The following PKD2L1 variants were observed in gnomAD, a reference collection of about 807,000 sequenced individuals.
The protein encoded by PKD2L1 is polycystin-2-like protein 1.
A neutral mutation model predicts 93.0 loss-of-function variants in PKD2L1; 77 were observed. The observed-to-expected ratio is 0.83, with a 90% CI of 0.69 to 1.00. The LOEUF (loss-of-function observed/expected upper bound fraction) is 1.00. Among genes scored for constraint, PKD2L1 ranks in the 50% least tolerant of loss-of-function variants. The pLI is 0.00. For synonymous variants in PKD2L1, 390 were observed against 388.0 expected, an observed-to-expected ratio of 1.01 and a Z score of -0.06; for missense variants, 977 against 990.9, an observed-to-expected ratio of 0.99 and a Z score of 0.19.
Position 100,294,524 on chromosome 10 carries a change from G to A in PKD2L1, c.1659+11C>T, listed in dbSNP as rs1298773357. ...GCTCTCTATGTCCCCACCCCTCAGA[G>A]AGACCCTCACCAGGAGCACGAAGAA... is the stretch of plus-strand genomic sequence containing the variant. On this transcript the variant is annotated intron_variant, in intron 9 of 15. Transcript: ENST00000318222. The A allele has an allele frequency of 1.9e-6, 3 of 1,614,034 alleles. No individual in the cohort carries two copies. The highest frequency in any genetic ancestry group is 2.5e-6 in the Non-Finnish European group (3 of 1,179,986).
chr10:100,317,303 G>A lies in PKD2L1; in HGVS notation c.349+11908C>T, dbSNP rs537356773. Among the ~76,000 whole-genome samples the A allele has an allele frequency of 1.8e-4, 27 of 151,322 alleles. No homozygotes were observed. The South Asian group carries it at 1.9e-3, about 11-fold the overall frequency. On this transcript the variant is annotated intron_variant, in intron 2 of 15. Transcript: ENST00000318222. ...GCCTATAATCCCAGCACTTTGGGAG[G>A]CCAAGGCAGGAGGATCACTTACATT...
At chr10:100,317,402 G>A (rs1305874656) in intron 2 of PKD2L1, among the ~76,000 whole-genome samples, 1 of 151,914 alleles carries the variant, frequency 6.6e-6, no homozygotes, top group Non-Finnish European at 1.5e-5. Flanking sequence ...AAGCGAGTGT[G>A]GTGCTACATG....
intron 2 of PKD2L1, among the ~76,000 whole-genome samples, chr10:100,310,480 A>G (rs1410500253): frequency 6.6e-6 from 1 of 152,222 alleles, no homozygotes; most frequent in Non-Finnish European, 1.5e-5. Context: ...TTCTAAAAAC[A>G]TGCCTATCAT....
Position 100,297,601 on chromosome 10 carries a change from G to A in PKD2L1, c.737C>T (p.Thr246Ile). Residue 246 changes from threonine to isoleucine, a missense_variant, in exon 5 of 16, where the codon ACA becomes ATA. Physicochemically the swap from Thr to Ile is moderately conservative, Grantham distance 89. Coordinates refer to ENST00000318222, the MANE Select transcript of PKD2L1 (RefSeq NM_016112.3). ...CCCCAACTCATCCTGCGAGTGGTAT[G>A]TCCACCTGCCACAGAAAATGCCAGC... is the stretch of plus-strand genomic sequence containing the variant. ...PFGPFNGTAW[T>I]YHSQDELGGF... 6.2e-7 allele frequency: 1 copy of A among 1,610,796 alleles called. No individual in the cohort carries two copies. Among genetic ancestry groups the A allele is most frequent in the Non-Finnish European group, 8.5e-7 (1 of 1,178,762 alleles).
Position 100,298,569 on chromosome 10 carries a change from C to T in PKD2L1, c.724G>A (p.Gly242Ser), listed in dbSNP as rs1270363328. ...TAGGACAGGCTCACTCACGCTGTGC[C>T]ATTGAAGGGCCCAAAGGGGAGTTGT... Reference protein sequence around the residue: ...EEQLPFGPFNGTAWTYHSQDE... With the variant: ...EEQLPFGPFNSTAWTYHSQDE... Residue 242 changes from glycine (G) to serine (S), a missense_variant, in exon 4 of 16, where the codon GGC becomes AGC. Transcript: ENST00000318222. The T allele has an allele frequency of 6.2e-7, 1 of 1,614,046 alleles. No homozygotes were observed. The highest frequency in any genetic ancestry group is 8.5e-7 in the Non-Finnish European group (1 of 1,179,968).
At chr10:100,299,748 T>A in intron 2 of PKD2L1, 30 bp from the exon 3 acceptor site, 1 of 1,608,792 alleles carries the variant, frequency 6.2e-7, no homozygotes, top group Non-Finnish European at 8.5e-7. Flanking sequence ...GCTATGTCCT[T>A]CTCACTGTTC....
intron 11 of PKD2L1, among the ~76,000 whole-genome samples, chr10:100,292,457 C>G (rs1208987244): frequency 1.3e-5 from 2 of 150,968 alleles, no homozygotes; most frequent in African/African-American, 2.4e-5. Context: ...TGTGCAACTG[C>G]ACTCCAGCCT....
At chr10:100,294,678 T>C (rs1453326060) in intron 8 of PKD2L1, 23 bp from the exon 9 acceptor site, 2 of 1,613,828 alleles carry the variant, frequency 1.2e-6, no homozygotes, top group Admixed American at 1.7e-5. Flanking sequence ...GTCTGGGCTT[T>C]ACCCAGAGCC....
chr10:100,305,448 T>A lies in PKD2L1; in HGVS notation c.350-5730A>T, dbSNP rs114939724. Among the ~76,000 whole-genome samples the A allele has an allele frequency of 7.6e-3, 1,150 of 152,288 alleles. 9 individuals carry two copies. Among genetic ancestry groups the A allele is most frequent in the African/African-American group, 0.022 (927 of 41,560 alleles). On this transcript the variant is annotated intron_variant, in intron 2 of 15. Transcript: ENST00000318222. Reference sequence around the variant, plus strand: ...AATTTCAAACTGAGTAAAGCATCATTAATCCATGTTTGACCCATCACAGCA... The same window carrying A: ...AATTTCAAACTGAGTAAAGCATCATAAATCCATGTTTGACCCATCACAGCA...
Position 100,290,427 on chromosome 10 carries a change from G to GC in PKD2L1, c.2099dup (p.Trp701LeufsTer29). The GC allele has an allele frequency of 6.2e-7, 1 of 1,613,040 alleles. No homozygotes were observed. Among genetic ancestry groups the GC allele is most frequent in the Non-Finnish European group, 8.5e-7 (1 of 1,179,574 alleles). Reference sequence around the variant, plus strand: ...TGTAGAATTCTTCTCCTGAAACCCAGCCTCCTGCTCTGGCAGCCTCTGGAC... The same window carrying GC: ...TGTAGAATTCTTCTCCTGAAACCCAGCCCTCCTGCTCTGGCAGCCTCTGGAC... On this transcript the variant is annotated frameshift_variant, in exon 13 of 16. Coordinates refer to ENST00000318222, the MANE Select transcript of PKD2L1 (RefSeq NM_016112.3). LOFTEE classifies it high-confidence loss of function.
At chr10:100,307,933 G>A (rs1320250138) in intron 2 of PKD2L1, among the ~76,000 whole-genome samples, 1 of 152,152 alleles carries the variant, frequency 6.6e-6, no homozygotes, top group Non-Finnish European at 1.5e-5. Context: ...CCAGAGTGGG[G>A]AATGAGTCAG....
At chr10:100,290,248 G>A (rs1387880711) in intron 13 of PKD2L1, 110 bp from the exon 14 acceptor site, 13 of 1,440,630 alleles carry the variant, frequency 9.0e-6, no homozygotes, top group South Asian at 1.2e-5. Context: ...GAACAAGGAA[G>A]GGAAGACCCA....
In PKD2L1 at chr10:100,288,488, AAAACGAG is replaced by A. The variant is rs756394031; in HGVS notation, c.2336-17_2336-11del. ...CTTTTATAGGGAACCTCTGTGGGGG[AAAACGAG>A]AAACCCATGGGTGCTAGCAACAAAT... On this transcript the variant is annotated splice_polypyrimidine_tract_variant and intron_variant, in intron 15 of 15. Coordinates refer to ENST00000318222, the MANE Select transcript of PKD2L1 (RefSeq NM_016112.3). 1.5e-5 allele frequency: 23 copies of A among 1,551,608 alleles called. No homozygotes were observed. Among genetic ancestry groups the A allele is most frequent in the Non-Finnish European group, 2.0e-5 (23 of 1,123,422 alleles).
At chr10:100,329,384 C>T (rs1386166220) in intron 1 of PKD2L1, 60 bp from the exon 2 acceptor site, 1 of 1,612,254 alleles carries the variant, frequency 6.2e-7, no homozygotes, top group Admixed American at 1.7e-5. Flanking sequence ...CCAGTCATCC[C>T]CACCCATCTG....
rs538673321 is a variant in PKD2L1, at chr10:100,325,911, C to T, written c.349+3300G>A. Among the ~76,000 whole-genome samples, 26 of 152,272 alleles carry T rather than the reference C, an allele frequency of 1.7e-4. No homozygotes were observed. In the South Asian group the frequency reaches 5.2e-3, roughly 30 times the overall value. Reference sequence around the variant, plus strand: ...ATTGTCCAAGGATAAGAGAGGTTAGCAAACTTGCTCAGGATCACACAGCTG... The same window carrying T: ...ATTGTCCAAGGATAAGAGAGGTTAGTAAACTTGCTCAGGATCACACAGCTG... On this transcript the variant is annotated intron_variant, in intron 2 of 15. Transcript: ENST00000318222.
chr10:100,296,073 G>C (rs748977709), intron 7 of PKD2L1, 49 bp downstream of exon 7: 5 of 1,458,298 alleles, frequency 3.4e-6, no homozygotes, highest in Non-Finnish European at 4.7e-6. Flanking sequence ...GAAAAGAAGG[G>C]AGAATGAGTG....
intron 2 of PKD2L1, among the ~76,000 whole-genome samples, chr10:100,301,162 G>GA (rs1273002434): frequency 1.3e-5 from 2 of 152,206 alleles, no homozygotes; most frequent in African/African-American, 4.8e-5. Flanking sequence ...GGGTCACAGA[G>GA]ATCACATGCT....
chr10:100,288,467 T>C lies in PKD2L1; in HGVS notation c.2347A>G (p.Lys783Glu), dbSNP rs915842240. The C allele has an allele frequency of 6.2e-7, 1 of 1,607,928 alleles. No individual in the cohort carries two copies. Among genetic ancestry groups the C allele is most frequent in the African/African-American group, 1.3e-5 (1 of 74,914 alleles). Residue 783 changes from lysine (K) to glutamate (E), a missense_variant, in exon 16 of 16, where the codon AAA becomes GAA. Transcript: ENST00000318222. ...TCCTCTAAGGCTTCCTCTTCTCTTT[T>C]ATAGGGAACCTCTGTGGGGGAAAAC... Reference protein sequence around the residue: ...QGGQESEVPYKREEEALEERR... With the variant: ...QGGQESEVPYEREEEALEERR...
chr10:100,291,559 A>G lies in PKD2L1; in HGVS notation c.1881-132T>C, dbSNP rs547929787. ...TAAAGAAGGTTCTCCAAAGTCTAGC[A>G]ATCTTACCCCCAGGAAAACACTCAG... On this transcript the variant is annotated intron_variant, in intron 11 of 15. Transcript: ENST00000318222. 6.0e-6 allele frequency: 5 copies of G among 827,148 alleles called. No individual in the cohort carries two copies. The African/African-American group carries it at 8.5e-5, about 14-fold the overall frequency. 51.2% of individuals were successfully genotyped at this position (827,148 alleles called of 1,614,324 possible).
Sources: allele counts gnomAD v4.1 joint callset (sites outside exome capture counted in the v4.1 genomes callset), GRCh38; gene constraint gnomAD v4.1.1; transcripts MANE v1.5; gene names NCBI Gene and HGNC (gene_info 2026-07-23, HGNC 2026-07-21).